PRSS55: variants seen among roughly 807,000 people sequenced by gnomAD.
PRSS55 encodes serine protease 55, also known as probable serine protease UNQ9391/PRO34284.
A neutral mutation model predicts 23.6 loss-of-function variants in PRSS55; 41 were observed. The observed-to-expected ratio is 1.74, with a 90% CI of 1.35 to 2.26. The LOEUF (loss-of-function observed/expected upper bound fraction) is 2.26. PRSS55 is among the 30% of genes most tolerant of loss of function. The pLI, the probability that PRSS55 is intolerant of heterozygous loss-of-function variation, is 0.00. For missense variants in PRSS55, 669 were observed against 439.1 expected (o/e 1.52, Z -4.68); for synonymous variants, 262 against 175.5 (o/e 1.49, Z -3.90).
At chr8:10,542,183 C>T (rs777590394), downstream of PRSS55, among the ~76,000 whole-genome samples, 6 of 152,058 alleles carry the variant, frequency 3.9e-5, no homozygotes, top group Non-Finnish European at 7.4e-5. Context: ...TCATGTGTGT[C>T]CCAAGAGAGT....
chr8:10,554,166 T>C (rs968130199), exon 5 of PRSS55: 6 of 549,192 alleles, frequency 1.1e-5, no homozygotes, highest in East Asian at 5.9e-5. Flanking sequence ...CCTCCCCATT[T>C]TCATGATGCT....
chr8:10,529,410 A>G (rs1490324217), intron 1 of PRSS55, 97 bp from the exon 2 acceptor site: 2 of 1,244,660 alleles, frequency 1.6e-6, no homozygotes, highest in East Asian at 4.6e-5. Context: ...GAGGATATCC[A>G]CTTGGAAGCC....
intron 4 of PRSS55, among the ~76,000 whole-genome samples, chr8:10,537,604 C>T (rs1054222191): frequency 6.6e-6 from 1 of 152,098 alleles, no homozygotes; most frequent in South Asian, 2.1e-4. Flanking sequence ...GGAATTGAAA[C>T]GTTCTTAATA....
rs1585861044 is a variant in PRSS55 at position 10,525,713 on chromosome 8, C to T, written c.128C>T (p.Pro43Leu). The T allele has an allele frequency of 6.2e-7, 1 of 1,611,332 alleles. No homozygotes were observed. Among genetic ancestry groups the T allele is most frequent in the Non-Finnish European group, 8.5e-7 (1 of 1,178,866 alleles). The change falls in exon 1 of 5, where the codon CCC becomes CTC. Residue 43 changes from proline (P) to leucine (L), a missense_variant. Physicochemically the swap from Pro to Leu is moderately conservative, Grantham distance 98. Coordinates refer to ENST00000328655, the MANE Select transcript of PRSS55 (RefSeq NM_198464.4). ...GRARGAHRPQ[P>L]PHPPSPVSEC... ...GCTAGGGGAGCCCACCGCCCTCAGC[C>T]CCCTCATCCCCCCAGCCCAGTCAGT...
intron 4 of PRSS55, among the ~76,000 whole-genome samples, chr8:10,551,159 C>A (rs888528470): frequency 6.6e-6 from 1 of 152,182 alleles, no homozygotes; most frequent in African/African-American, 2.4e-5. Context: ...GCTGTCTGTG[C>A]TCAACAAGCA....
chr8:10,532,337 G>A (rs1239818197), intron 3 of PRSS55, among the ~76,000 whole-genome samples: 1 of 152,176 alleles, frequency 6.6e-6, no homozygotes, highest in Non-Finnish European at 1.5e-5. Context: ...GGGAAGAAAT[G>A]TGAAATCTCT....
In PRSS55 at chr8:10,529,449, C is replaced by T. The variant is rs143225157; in HGVS notation, c.155-58C>T. 3.0e-4 allele frequency: 470 copies of T among 1,556,654 alleles called. No homozygotes were observed. The African/African-American group carries it at 4.9e-3, about 16-fold the overall frequency. On this transcript the variant is annotated intron_variant, in intron 1 of 4. Transcript: ENST00000328655. The stretch of plus-strand genomic sequence containing the variant: ...TCCTCCCAGCCCGGTCCCCAGCTCA[C>T]ACTGGATGCTGACTAAGTGTTTCCC...
intron 4 of PRSS55, among the ~76,000 whole-genome samples, chr8:10,534,232 C>G (rs949451946): frequency 1.8e-4 from 28 of 152,098 alleles, no homozygotes; most frequent in African/African-American, 6.8e-4. Context: ...ACTAAAAGCA[C>G]GGGATAGTAT....
At chr8:10,549,360 G>A (rs1234550546) in intron 4 of PRSS55, among the ~76,000 whole-genome samples, 2 of 152,180 alleles carry the variant, frequency 1.3e-5, no homozygotes, top group Non-Finnish European at 2.9e-5. Flanking sequence ...CCAGTGCCCC[G>A]GTGGGAGATG....
intron 4 of PRSS55, among the ~76,000 whole-genome samples, chr8:10,549,146 G>A (rs545176597): frequency 6.6e-6 from 1 of 152,256 alleles, no homozygotes; most frequent in East Asian, 1.9e-4. Context: ...GGATGTAAAC[G>A]GATAGTCACC....
chr8:10,529,410 A>T, intron 1 of PRSS55, 97 bp from the exon 2 acceptor site: 1 of 1,244,778 alleles, frequency 8.0e-7, no homozygotes, highest in Admixed American at 1.7e-5. Flanking sequence ...GAGGATATCC[A>T]CTTGGAAGCC....
downstream of PRSS55, among the ~76,000 whole-genome samples, chr8:10,543,474 TTCTCTC>T (rs1448852658): frequency 3.9e-5 from 2 of 51,818 alleles, no homozygotes; most frequent in Non-Finnish European, 1.1e-4. Flanking sequence ...CTTTCTTTCT[TTCTCTC>T]TTTTTTTTTT....
intron 4 of PRSS55, chr8:10,547,610 C>T (rs1263738642): frequency 6.6e-6 from 1 of 152,442 alleles, no homozygotes; most frequent in South Asian, 2.1e-4. Flanking sequence ...CAGGCACTAC[C>T]CAGGCTCGAA....
At chr8:10,544,393 C>T (rs189739020) in intron 4 of PRSS55, among the ~76,000 whole-genome samples, 127 of 152,114 alleles carry the variant, frequency 8.3e-4, no homozygotes, top group Non-Finnish European at 1.6e-3. Context: ...TTATTTTTAA[C>T]CTACTTATAT....
At chr8:10,535,499 A>T (rs898352803) in intron 4 of PRSS55, among the ~76,000 whole-genome samples, 3 of 152,260 alleles carry the variant, frequency 2.0e-5, no homozygotes, top group African/African-American at 7.2e-5. Flanking sequence ...TGGTGTTGGG[A>T]TAACTGGCTA....
downstream of PRSS55, among the ~76,000 whole-genome samples, chr8:10,543,227 A>C (rs554933613): frequency 6.6e-6 from 1 of 152,176 alleles, no homozygotes; most frequent in South Asian, 2.1e-4. Context: ...CTTTGAGATT[A>C]GCAGCTCTCT....
In PRSS55 at chr8:10,531,522, C is replaced by T. The variant is rs769001784; in HGVS notation, c.575C>T (p.Ala192Val). The change falls in exon 3 of 5, where the codon GCA (alanine) becomes GTA (valine). Residue 192 changes from alanine to valine, a missense_variant. Physicochemically the swap from Ala to Val is moderately conservative, Grantham distance 64. Transcript: ENST00000328655. ...GPATWRECWV[A>V]GWGQTNAADK... is the part of the protein sequence containing the mutation. ...GCCACATGGCGCGAATGCTGGGTGG[C>T]AGGTTGGGGCCAGACCAATGCTGGT... is the stretch of plus-strand genomic sequence containing the variant. 1.2e-6 allele frequency: 2 copies of T among 1,613,708 alleles called. No homozygotes were observed. Among genetic ancestry groups the T allele is most frequent in the South Asian group, 1.1e-5 (1 of 91,078 alleles).
chr8:10,525,683 G>C lies in PRSS55; in HGVS notation c.98G>C (p.Gly33Ala), dbSNP rs1811992036. The change falls in exon 1 of 5, where the codon GGC becomes GCC. Residue 33 changes from glycine to alanine, a missense_variant. Coordinates refer to ENST00000328655, the MANE Select transcript of PRSS55 (RefSeq NM_198464.4). ...CCAGAGGCTGGAGTGGCTATCCTAGGCAGGGCTAGGGGAGCCCACCGCCCT... is the reference window on the plus strand; with the variant it reads ...CCAGAGGCTGGAGTGGCTATCCTAGCCAGGGCTAGGGGAGCCCACCGCCCT... The part of the protein sequence containing the change: ...PLPEAGVAIL[G>A]RARGAHRPQP... The C allele has an allele frequency of 6.2e-7, 1 of 1,613,844 alleles. No individual in the cohort carries two copies. The highest frequency in any genetic ancestry group is 8.5e-7 in the Non-Finnish European group (1 of 1,179,950).
chr8:10,525,636 G>C lies in PRSS55; in HGVS notation c.51G>C (p.Gln17His), dbSNP rs754424747. The C allele has an allele frequency of 2.5e-6, 4 of 1,614,040 alleles. No homozygotes were observed. The highest frequency in any genetic ancestry group is 2.5e-6 in the Non-Finnish European group (3 of 1,180,026). Reference sequence around the variant, plus strand: ...TCCTGTCCCTGGTCACGGGAACTCAGCTCGGTCCACGGACTCCTCTCCCAG... The same window carrying C: ...TCCTGTCCCTGGTCACGGGAACTCACCTCGGTCCACGGACTCCTCTCCCAG... ...LLLLSLVTGT[Q>H]LGPRTPLPEA... The change falls in exon 1 of 5, where the codon CAG becomes CAC. Residue 17 changes from glutamine (Q) to histidine (H), a missense_variant. Transcript: ENST00000328655.
Sources: allele counts gnomAD v4.1 joint callset (sites outside exome capture counted in the v4.1 genomes callset), GRCh38; gene constraint gnomAD v4.1.1; transcripts MANE v1.5; gene names NCBI Gene and HGNC (gene_info 2026-07-23, HGNC 2026-07-21).